The following MED12L variants were observed in gnomAD, a reference collection of about 807,000 sequenced individuals.
The protein encoded by MED12L is mediator complex subunit 12L.
Under a neutral mutation model 281.3 loss-of-function variants are expected in MED12L, and 60 were observed. The ratio of observed to expected loss-of-function variants is 0.21; its 90% CI spans 0.17 to 0.26. The LOEUF (loss-of-function observed/expected upper bound fraction) is 0.26, where lower values mean the gene tolerates loss of function less well. Ranked by LOEUF, MED12L falls within the 10% of genes least tolerant of loss-of-function variation. The pLI is 1.00. For missense variants in MED12L, 2,146 were observed against 2,680.9 expected (o/e 0.80, Z 4.41); for synonymous variants, 974 against 987.2 (o/e 0.99, Z 0.25).
chr3:151,356,599 G>A (rs561942431), intron 19 of MED12L, among the ~76,000 whole-genome samples: 36 of 152,042 alleles, frequency 2.4e-4, no homozygotes, highest in African/African-American at 8.7e-4. Flanking sequence ...ATTTAAAAAT[G>A]TGAGAGTTTT....
intron 5 of MED12L, among the ~76,000 whole-genome samples, chr3:151,146,173 C>A (rs979105287): frequency 6.6e-6 from 1 of 152,204 alleles, no homozygotes. Flanking sequence ...TGGAAATAAA[C>A]GTGTGCGTTG....
intron 15 of MED12L, among the ~76,000 whole-genome samples, chr3:151,193,145 G>C (rs745771469): frequency 6.6e-6 from 1 of 152,120 alleles, no homozygotes; most frequent in Non-Finnish European, 1.5e-5. Flanking sequence ...AGTCTTACTA[G>C]TTTATTATTA....
intron 16 of MED12L, among the ~76,000 whole-genome samples, chr3:151,264,468 T>A (rs1739462353): frequency 6.6e-6 from 1 of 152,230 alleles, no homozygotes; most frequent in Admixed American, 6.5e-5. Context: ...TCTCAGAAAT[T>A]CAAACCTGAG....
chr3:151,254,845 CT>C (rs953691428), intron 16 of MED12L, among the ~76,000 whole-genome samples: 19 of 152,298 alleles, frequency 1.2e-4, no homozygotes, highest in African/African-American at 4.6e-4. Context: ...GCAATTATTG[CT>C]GTCTTATAAA....
intron 16 of MED12L, among the ~76,000 whole-genome samples, chr3:151,195,423 TC>T (rs1230919049): frequency 6.6e-6 from 1 of 152,296 alleles, no homozygotes; most frequent in African/African-American, 2.4e-5. Context: ...CATATTTTTT[TC>T]CTTATTACAA....
At chr3:151,318,445 G>C (rs1748577582) in intron 16 of MED12L, among the ~76,000 whole-genome samples, 1 of 151,230 alleles carries the variant, frequency 6.6e-6, no homozygotes, top group African/African-American at 2.4e-5. Flanking sequence ...ATTTGTCCTT[G>C]TGTTGACCTT....
At chr3:151,144,668 C>A (rs1006569717) in intron 5 of MED12L, among the ~76,000 whole-genome samples, 1 of 152,210 alleles carries the variant, frequency 6.6e-6, no homozygotes, top group Non-Finnish European at 1.5e-5. Flanking sequence ...GTACTGCCCC[C>A]CTTCCTCAGC....
chr3:151,425,441 G>A (rs1718766989), intron 43 of MED12L: 2 of 271,072 alleles, frequency 7.4e-6, no homozygotes, highest in South Asian at 7.8e-5. Flanking sequence ...AATCTTGTCA[G>A]CCAGGCTGGG....
chr3:151,357,587 C>T (rs1211429314), intron 20 of MED12L, among the ~76,000 whole-genome samples: 1 of 152,140 alleles, frequency 6.6e-6, no homozygotes, highest in Non-Finnish European at 1.5e-5. Context: ...TTCTTCCCTT[C>T]CTCCTTGCCT....
intron 42 of MED12L, among the ~76,000 whole-genome samples, chr3:151,415,240 A>G (rs940323515): frequency 6.6e-6 from 1 of 152,220 alleles, no homozygotes; most frequent in African/African-American, 2.4e-5. Flanking sequence ...TCATCAACAC[A>G]TTCTTCCCTG....
intron 32 of MED12L, among the ~76,000 whole-genome samples, chr3:151,380,768 T>A (rs1712167746): frequency 6.6e-6 from 1 of 152,228 alleles, no homozygotes; most frequent in Admixed American, 6.5e-5. Flanking sequence ...AGTAAAATTT[T>A]ATATATTGCA....
At chr3:151,305,564 A>G (rs1335144056) in intron 16 of MED12L, among the ~76,000 whole-genome samples, 3 of 152,150 alleles carry the variant, frequency 2.0e-5, no homozygotes, top group African/African-American at 7.2e-5. Flanking sequence ...CACCCCCGCC[A>G]GGTAGGAAGA....
intron 16 of MED12L, among the ~76,000 whole-genome samples, chr3:151,208,509 C>G (rs1337697363): frequency 6.6e-6 from 1 of 152,100 alleles, no homozygotes; most frequent in African/African-American, 2.4e-5. Flanking sequence ...TGGTAAAACC[C>G]CATCTTTACT....
chr3:151,409,138 A>T (rs1296231154), intron 39 of MED12L, 105 bp from the exon 40 acceptor site: 1 of 768,942 alleles, frequency 1.3e-6, no homozygotes, highest in African/African-American at 1.8e-5. Flanking sequence ...TGAGTTCTTT[A>T]TCCATGTAAT....
intron 5 of MED12L, among the ~76,000 whole-genome samples, chr3:151,155,615 G>C (rs1576845912): frequency 1.3e-5 from 2 of 152,194 alleles, no homozygotes; most frequent in Admixed American, 1.3e-4. Flanking sequence ...AGCCCGCAGT[G>C]AATGAATGTC....
At chr3:151,385,363 A>G (rs902361544) in intron 36 of MED12L, among the ~76,000 whole-genome samples, 172 bp downstream of exon 36, 3 of 152,164 alleles carry the variant, frequency 2.0e-5, no homozygotes, top group African/African-American at 7.2e-5. Flanking sequence ...TAAAGAGGTC[A>G]TATCTTTGAA....
At chr3:151,170,143 CCT>C (rs1721238751) in intron 11 of MED12L, among the ~76,000 whole-genome samples, 1 of 152,132 alleles carries the variant, frequency 6.6e-6, no homozygotes, top group Non-Finnish European at 1.5e-5. Context: ...AGGCCTGGGC[CCT>C]GCCTTGTGGT....
chr3:151,275,553 A>G (rs1345307240), intron 16 of MED12L, among the ~76,000 whole-genome samples: 1 of 152,220 alleles, frequency 6.6e-6, no homozygotes, highest in Non-Finnish European at 1.5e-5. Context: ...CTTTGACTTT[A>G]AAGAACAGGT....
chr3:151,254,912 G>A (rs546128120), intron 16 of MED12L, among the ~76,000 whole-genome samples: 12 of 152,188 alleles, frequency 7.9e-5, no homozygotes, highest in African/African-American at 2.4e-4. Flanking sequence ...CATTCTTGTC[G>A]GAATAGTTGA....
Sources: gnomAD v4.1 joint callset for allele counts (sites outside exome capture counted in the v4.1 genomes callset) on GRCh38, gnomAD v4.1.1 for gene constraint, MANE v1.5 for transcripts, NCBI Gene and HGNC (gene_info 2026-07-23, HGNC 2026-07-21) for gene names.